The following SAMD3 variants were observed in gnomAD, a reference collection of about 807,000 sequenced individuals.
SAMD3 encodes the protein sterile alpha motif domain-containing protein 3.
Under a neutral mutation model 58.5 loss-of-function variants are expected in SAMD3, and 63 were observed. The ratio of observed to expected loss-of-function variants is 1.08; its 90% CI spans 0.88 to 1.33. The LOEUF (loss-of-function observed/expected upper bound fraction) is 1.33, where lower values mean the gene tolerates loss of function less well. Among genes scored for constraint, SAMD3 ranks in the 40% most tolerant of loss-of-function variants. SAMD3 has a pLI of 0.00. For missense variants in SAMD3, 604 were observed against 608.4 expected, an observed-to-expected ratio of 0.99 and a Z score of 0.08; for synonymous variants, 220 against 210.3, an observed-to-expected ratio of 1.05 and a Z score of -0.40.
chr6:130,153,377 C>T (rs1184010654), intron 9 of SAMD3, among the ~76,000 whole-genome samples: 1 of 152,036 alleles, frequency 6.6e-6, no homozygotes, highest in Non-Finnish European at 1.5e-5. Flanking sequence ...GAGAAGCATT[C>T]AGATATTTGC....
At chr6:130,197,674 G>C (rs1005364273) in intron 5 of SAMD3, among the ~76,000 whole-genome samples, 1 of 151,830 alleles carries the variant, frequency 6.6e-6, no homozygotes, top group Non-Finnish European at 1.5e-5. Context: ...CCCACTCTAG[G>C]TTCCCATGCC....
chr6:130,224,592 TTTATTATTATTATTA>T (rs147379974), upstream of SAMD3, among the ~76,000 whole-genome samples: 20,606 of 143,800 alleles, frequency 0.14, 3,504 homozygotes, highest in African/African-American at 0.41. Flanking sequence ...ACTCTATTTA[TTTATTATTATTATTA>T]TTATTATTAT....
chr6:130,323,338 T>A (rs142512107), intron 1 of SAMD3, among the ~76,000 whole-genome samples: 1 of 152,168 alleles, frequency 6.6e-6, no homozygotes, highest in African/African-American at 2.4e-5. Context: ...TGGCAGCAAA[T>A]CCCTGACAAG....
intron 5 of SAMD3, among the ~76,000 whole-genome samples, chr6:130,185,287 G>A (rs1792829097): frequency 6.6e-6 from 1 of 152,110 alleles, no homozygotes; most frequent in African/African-American, 2.4e-5. Context: ...AGCATATAAA[G>A]CTGCTAAAAT....
At chr6:130,159,111 A>C (rs1333244205) in intron 8 of SAMD3, among the ~76,000 whole-genome samples, 1 of 152,202 alleles carries the variant, frequency 6.6e-6, no homozygotes, top group African/African-American at 2.4e-5. Context: ...TGTAGCTCCC[A>C]TAATTCCCAC....
In SAMD3 at chr6:130,205,906, C is replaced by T. The variant is rs192311725; in HGVS notation, c.383+3589G>A. Reference sequence around the variant, plus strand: ...CATACACCATGACACAAAAATCATACAGTAGGCCCTTAATGAACAACTGTT... The same window carrying T: ...CATACACCATGACACAAAAATCATATAGTAGGCCCTTAATGAACAACTGTT... On this transcript the variant is annotated intron_variant, in intron 5 of 11. Coordinates refer to ENST00000439090, the MANE Select transcript of SAMD3 (RefSeq NM_001017373.4). 7.2e-3 allele frequency among the ~76,000 whole-genome samples: 1,093 copies of T among 152,216 alleles called. 5 individuals are homozygous for T. The highest frequency in any genetic ancestry group is 0.01 in the Non-Finnish European group (691 of 68,024).
intron 8 of SAMD3, among the ~76,000 whole-genome samples, chr6:130,163,563 G>A (rs1790459522): frequency 6.6e-6 from 1 of 152,162 alleles, no homozygotes; most frequent in Non-Finnish European, 1.5e-5. Context: ...AAACTTCGCA[G>A]TATTAGTAAA....
At chr6:130,205,177 T>C (rs965581223) in intron 5 of SAMD3, among the ~76,000 whole-genome samples, 1 of 149,058 alleles carries the variant, frequency 6.7e-6, no homozygotes, top group African/African-American at 2.5e-5. Flanking sequence ...AAAAAATTAG[T>C]ATATGGATTG....
chr6:130,296,923 T>C (rs1018504610), intron 2 of SAMD3, among the ~76,000 whole-genome samples: 2 of 152,042 alleles, frequency 1.3e-5, no homozygotes, highest in Non-Finnish European at 2.9e-5. Flanking sequence ...GAGGAGTTGG[T>C]ACACACCCCA....
intron 2 of SAMD3, among the ~76,000 whole-genome samples, chr6:130,233,520 A>G (rs1314302309): frequency 1.3e-5 from 2 of 152,248 alleles, no homozygotes; most frequent in East Asian, 3.8e-4. Flanking sequence ...AAATGAGGTC[A>G]TCAAGGATCC....
chr6:130,214,188 T>A (rs1795823734), intron 4 of SAMD3, 149 bp downstream of exon 4: 1 of 571,362 alleles, frequency 1.8e-6, no homozygotes, highest in Non-Finnish European at 2.8e-6. Flanking sequence ...TTTTACAGTG[T>A]CCTTTGCTCA....
At chr6:130,228,259 C>T (rs1159831479) in intron 2 of SAMD3, among the ~76,000 whole-genome samples, 3 of 152,194 alleles carry the variant, frequency 2.0e-5, no homozygotes, top group Non-Finnish European at 4.4e-5. Flanking sequence ...TGTGAGAACT[C>T]GATTGTTCTC....
chr6:130,338,048 C>T (rs1259192117), intron 1 of SAMD3, among the ~76,000 whole-genome samples: 1 of 152,160 alleles, frequency 6.6e-6, no homozygotes, highest in Non-Finnish European at 1.5e-5. Context: ...CATCACAGGC[C>T]TGAGGTCTAG....
intron 2 of SAMD3, among the ~76,000 whole-genome samples, chr6:130,298,296 G>A (rs1775636389): frequency 6.6e-6 from 1 of 152,060 alleles, no homozygotes; most frequent in African/African-American, 2.4e-5. Flanking sequence ...CTTCATAAAC[G>A]AAGGAGAAGT....
At chr6:130,317,359 G>T (rs12202591) in intron 1 of SAMD3, among the ~76,000 whole-genome samples, 17,348 of 152,150 alleles carry the variant, frequency 0.11, 1,079 homozygotes, top group Admixed American at 0.15. Flanking sequence ...TTTGTTGGAC[G>T]CCTACTACGT....
intron 9 of SAMD3, among the ~76,000 whole-genome samples, chr6:130,153,954 G>A (rs1288054126): frequency 6.6e-6 from 1 of 151,816 alleles, no homozygotes; most frequent in Non-Finnish European, 1.5e-5. Flanking sequence ...TGGGATTACA[G>A]GCATGAGCCA....
intron 1 of SAMD3, among the ~76,000 whole-genome samples, chr6:130,347,127 G>C (rs1223295346): frequency 6.6e-6 from 1 of 152,058 alleles, no homozygotes; most frequent in Non-Finnish European, 1.5e-5. Context: ...ACAAAGATGG[G>C]GAAAAAACAG....
At chr6:130,322,067 C>G (rs1460594187) in intron 1 of SAMD3, among the ~76,000 whole-genome samples, 1 of 152,162 alleles carries the variant, frequency 6.6e-6, no homozygotes, top group African/African-American at 2.4e-5. Flanking sequence ...AGGGCCTGAT[C>G]CAGCCACAGG....
chr6:130,179,812 T>C (rs1792105289), intron 7 of SAMD3, among the ~76,000 whole-genome samples: 1 of 139,870 alleles, frequency 7.1e-6, no homozygotes, highest in Admixed American at 7.0e-5. Flanking sequence ...TCCTTATTCT[T>C]TTTTTTTTTT....
Sources: gnomAD v4.1 joint callset for allele counts (sites outside exome capture counted in the v4.1 genomes callset) on GRCh38, gnomAD v4.1.1 for gene constraint, MANE v1.5 for transcripts, NCBI Gene and HGNC (gene_info 2026-07-23, HGNC 2026-07-21) for gene names.